COL4A5: variants seen among roughly 807,000 people sequenced by gnomAD.
The protein encoded by COL4A5 is collagen alpha-5(IV) chain.
In COL4A5, 26 loss-of-function variants were observed where a neutral mutation model predicts 130.2. The observed-to-expected ratio is 0.20, with a 90% CI of 0.15 to 0.28. The LOEUF (loss-of-function observed/expected upper bound fraction) is 0.28. Ranked by LOEUF, COL4A5 falls within the 10% of genes least tolerant of loss-of-function variation. COL4A5 has a pLI of 1.00. For missense variants in COL4A5, 1,131 were observed against 1,344.3 expected (o/e 0.84, Z 2.48); for synonymous variants, 496 against 439.6 (o/e 1.13, Z -1.60).
At chrX:108,550,095 A>G (rs767685936) in intron 2 of COL4A5, among the ~76,000 whole-genome samples, 2 of 111,820 alleles carry the variant, frequency 1.8e-5, no homozygotes, top group African/African-American at 6.5e-5. Flanking sequence ...TCTATGAAAC[A>G]TTTTTGCAAG....
chrX:108,599,120 A>T, intron 25 of COL4A5, among the ~76,000 whole-genome samples: 1 of 111,404 alleles, frequency 9.0e-6, no homozygotes, highest in Non-Finnish European at 1.9e-5. Flanking sequence ...GCAAAGTTTA[A>T]TAAATAGTTA....
intron 37 of COL4A5, among the ~76,000 whole-genome samples, chrX:108,656,414 C>T (rs1227974496): frequency 2.7e-5 from 3 of 111,944 alleles, no homozygotes; most frequent in African/African-American, 6.5e-5. Context: ...TGTTGATGGA[C>T]TTTTGGGTTG....
At chrX:108,520,997 A>T (rs765494837) in intron 1 of COL4A5, among the ~76,000 whole-genome samples, 1 of 111,944 alleles carries the variant, frequency 8.9e-6, no homozygotes, top group Non-Finnish European at 1.9e-5. Flanking sequence ...ATGTAAGTAT[A>T]TGTGTGTTTA....
At chrX:108,591,369 G>A in intron 20 of COL4A5, 138 bp downstream of exon 20, 1 of 682,482 alleles carries the variant, frequency 1.5e-6, no homozygotes, top group Non-Finnish European at 2.2e-6. Flanking sequence ...TGCTTTTTGG[G>A]TTTTGGTAGT....
At chrX:108,507,712 G>A (rs2065140445) in intron 1 of COL4A5, among the ~76,000 whole-genome samples, 1 of 111,469 alleles carries the variant, frequency 9.0e-6, no homozygotes, top group African/African-American at 3.3e-5. Context: ...GGAGGCTGAG[G>A]CAGGAGAATG....
intron 30 of COL4A5, 25 bp downstream of exon 30, chrX:108,615,049 T>C: frequency 2.0e-6 from 2 of 1,010,070 alleles, no homozygotes; most frequent in Non-Finnish European, 2.8e-6. Flanking sequence ...AATGTGCATT[T>C]TGTAGCACTC....
chrX:108,526,660 CTTCT>C (rs1225104279), intron 1 of COL4A5, among the ~76,000 whole-genome samples: 3 of 38,759 alleles, frequency 7.7e-5, no homozygotes, highest in Non-Finnish European at 1.3e-4. Flanking sequence ...TTCTTTCTTT[CTTCT>C]TTCTTTCTCT....
chrX:108,611,017 T>C (rs2066824005), intron 29 of COL4A5, among the ~76,000 whole-genome samples: 1 of 110,907 alleles, frequency 9.0e-6, no homozygotes, highest in Non-Finnish European at 1.9e-5. Flanking sequence ...ATCACTAATA[T>C]TTTGGATCAG....
At position 108,626,872 on chromosome X, in the gene COL4A5, T is replaced by C. The variant is rs187982548; in HGVS notation, c.3246+523T>C. ...AAATTTAGAATTTGTTTCAGAATCATTGGACTCAACAGGAATTTATTTGAC... is the reference window on the plus strand; with the variant it reads ...AAATTTAGAATTTGTTTCAGAATCACTGGACTCAACAGGAATTTATTTGAC... On this transcript the variant is annotated intron_variant, in intron 36 of 52. Coordinates refer to ENST00000328300, the MANE Select transcript of COL4A5 (RefSeq NM_033380.3). 2.7e-5 allele frequency: 21 copies of C among 769,018 alleles called. 1 individual carries two copies. Among genetic ancestry groups the C allele is most frequent in the Admixed American group, 2.3e-4 (3 of 12,853 alleles). The allele number at this position is 769,018 out of a possible 1,213,427, so 63.4% of individuals were successfully genotyped here. A position where few individuals can be genotyped will look rare whatever the true frequency, so the allele number is the denominator to read the frequency against.
At chrX:108,446,214 T>C (rs770625850) in intron 1 of COL4A5, among the ~76,000 whole-genome samples, 4 of 112,195 alleles carry the variant, frequency 3.6e-5, no homozygotes, top group African/African-American at 1.3e-4. Flanking sequence ...TAGTTTTATT[T>C]CTTACTGTTT....
chrX:108,563,906 C>A lies in COL4A5; in HGVS notation c.256C>A (p.Pro86Thr), dbSNP rs1180959524. 8.3e-7 allele frequency: 1 copy of A among 1,205,597 alleles called. No homozygotes were observed. The highest frequency in any genetic ancestry group is 1.1e-6 in the Non-Finnish European group (1 of 891,383). ...GGGTGATGATGGAATTCCAGGGCCA[C>A]CAGGACCAAAAGGAATCAGAGTAAG... ...QKGDDGIPGP[P>T]GPKGIRGPPG... Residue 86 changes from proline (P) to threonine (T), a missense_variant, in exon 4 of 53, where the codon CCA (proline) becomes ACA (threonine). Transcript: ENST00000328300.
At chrX:108,606,648 T>C in intron 28 of COL4A5, 94 bp from the exon 29 acceptor site, 1 of 954,299 alleles carries the variant, frequency 1.0e-6, no homozygotes, top group Non-Finnish European at 1.5e-6. Context: ...AAAAGTATTG[T>C]CTTGTATTTT....
At chrX:108,609,127 A>T (rs1361915926) in intron 29 of COL4A5, among the ~76,000 whole-genome samples, 1 of 111,842 alleles carries the variant, frequency 8.9e-6, no homozygotes, top group East Asian at 2.8e-4. Context: ...TGGATATGTG[A>T]TTTCATTTTG....
chrX:108,484,225 T>G (rs775489542), intron 1 of COL4A5, among the ~76,000 whole-genome samples: 1 of 112,577 alleles, frequency 8.9e-6, no homozygotes, highest in South Asian at 3.6e-4. Flanking sequence ...GAATTCCTTC[T>G]CTGTGTTTGA....
chrX:108,655,921 T>C (rs1179912389), intron 37 of COL4A5, among the ~76,000 whole-genome samples: 1 of 112,495 alleles, frequency 8.9e-6, no homozygotes, highest in Non-Finnish European at 1.9e-5. Context: ...GTCAATTATG[T>C]AGCCTGAACT....
intron 1 of COL4A5, among the ~76,000 whole-genome samples, chrX:108,530,614 A>G (rs1396427805): frequency 2.0e-5 from 2 of 98,799 alleles, no homozygotes; most frequent in Non-Finnish European, 4.1e-5. Flanking sequence ...AATGCTCACC[A>G]TCACTGGCCA....
At chrX:108,601,834 T>C in intron 26 of COL4A5, 51 bp from the exon 27 acceptor site, 1 of 771,197 alleles carries the variant, frequency 1.3e-6, no homozygotes. Flanking sequence ...CTGGCCCTGA[T>C]GGCTTCTTTC....
At chrX:108,643,803 C>A (rs1030776961) in intron 36 of COL4A5, among the ~76,000 whole-genome samples, 1 of 111,742 alleles carries the variant, frequency 8.9e-6, no homozygotes, top group Non-Finnish European at 1.9e-5. Flanking sequence ...AACAAAACTA[C>A]AAGTTAAAAG....
intron 36 of COL4A5, among the ~76,000 whole-genome samples, chrX:108,628,904 A>C (rs1469640080): frequency 1.8e-5 from 2 of 112,070 alleles, no homozygotes; most frequent in African/African-American, 3.2e-5. Context: ...TATTTAGTCA[A>C]GGAGTCATAC....
Sources: allele counts gnomAD v4.1 joint callset (sites outside exome capture counted in the v4.1 genomes callset), GRCh38; gene constraint gnomAD v4.1.1; transcripts MANE v1.5; gene names NCBI Gene and HGNC (gene_info 2026-07-23, HGNC 2026-07-21).